The following LMBRD1 variants were observed in gnomAD, a reference collection of about 807,000 sequenced individuals.
LMBRD1 encodes LMBR1 domain containing 1, also known as lysosomal cobalamin transport escort protein LMBD1.
In LMBRD1, 64 loss-of-function variants were observed where a neutral mutation model predicts 74.8. The ratio of observed to expected loss-of-function variants is 0.86; its 90% CI spans 0.70 to 1.05. The LOEUF (loss-of-function observed/expected upper bound fraction) is 1.05. Among genes scored for constraint, LMBRD1 ranks in the 50% least tolerant of loss-of-function variants. The pLI is 0.00. For synonymous variants in LMBRD1, 204 were observed against 216.3 expected, an observed-to-expected ratio of 0.94 and a Z score of 0.50; for missense variants, 652 against 645.9, an observed-to-expected ratio of 1.01 and a Z score of -0.10.
At chr6:69,678,780 TGAGCTGAG>T (rs1220104267) in intron 14 of LMBRD1, among the ~76,000 whole-genome samples, 4 of 152,086 alleles carry the variant, frequency 2.6e-5, no homozygotes, top group African/African-American at 9.7e-5. Context: ...AACATAAAAT[TGAGCTGAG>T]GGCTACATAG....
intron 3 of LMBRD1, among the ~76,000 whole-genome samples, chr6:69,761,277 A>G (rs1765366910): frequency 6.6e-6 from 1 of 152,154 alleles, no homozygotes; most frequent in Admixed American, 6.5e-5. Context: ...CCCCTTCTCA[A>G]TGGTATTTAT....
chr6:69,689,208 T>C (rs1390334203), intron 14 of LMBRD1, among the ~76,000 whole-genome samples: 1 of 152,026 alleles, frequency 6.6e-6, no homozygotes, highest in Non-Finnish European at 1.5e-5. Flanking sequence ...TGGTCAGACA[T>C]GCATGTCCAT....
chr6:69,744,376 C>CA (rs955737692), intron 5 of LMBRD1, among the ~76,000 whole-genome samples: 10 of 151,974 alleles, frequency 6.6e-5, no homozygotes, highest in African/African-American at 1.5e-4. Flanking sequence ...GATTTTTCAC[C>CA]AAAAAAATTT....
chr6:69,718,818 C>G, intron 8 of LMBRD1, 138 bp downstream of exon 8: 2 of 830,792 alleles, frequency 2.4e-6, no homozygotes, highest in Non-Finnish European at 4.0e-6. Flanking sequence ...AGGACACAGT[C>G]AAACTGTACC....
intron 14 of LMBRD1, among the ~76,000 whole-genome samples, chr6:69,691,138 CCTCT>C (rs199949095): frequency 6.4e-5 from 2 of 31,372 alleles, no homozygotes; most frequent in African/African-American, 9.3e-5. Context: ...GCAGCAACGG[CCTCT>C]CTCTCTCTTT....
At chr6:69,755,284 C>T (rs146970480) in intron 3 of LMBRD1, among the ~76,000 whole-genome samples, 9 of 152,192 alleles carry the variant, frequency 5.9e-5, no homozygotes, top group East Asian at 1.9e-4. Context: ...TTTGCAGGGA[C>T]GTGGATGAAG....
At chr6:69,713,407 C>T (rs1766424323) in intron 9 of LMBRD1, among the ~76,000 whole-genome samples, 1 of 152,058 alleles carries the variant, frequency 6.6e-6, no homozygotes, top group Admixed American at 6.6e-5. Context: ...CAGCATATTG[C>T]AATACTTATC....
At chr6:69,684,448 C>T (rs1266158522) in intron 14 of LMBRD1, among the ~76,000 whole-genome samples, 2 of 151,926 alleles carry the variant, frequency 1.3e-5, no homozygotes, top group African/African-American at 4.8e-5. Flanking sequence ...CATTAGATTT[C>T]TTACCAGTTA....
intron 2 of LMBRD1, among the ~76,000 whole-genome samples, chr6:69,785,478 A>ACG (rs1276834074): frequency 1.3e-5 from 2 of 151,904 alleles, no homozygotes; most frequent in Non-Finnish European, 1.5e-5. Flanking sequence ...CCGAACTATA[A>ACG]CTCTTTTCTC....
chr6:69,732,154 G>A (rs534481983), intron 7 of LMBRD1, among the ~76,000 whole-genome samples: 2 of 152,256 alleles, frequency 1.3e-5, no homozygotes, highest in Middle Eastern at 3.4e-3. Context: ...AACCACTGCT[G>A]TGATTCATAA....
At chr6:69,735,946 G>GC (rs1766967871) in intron 7 of LMBRD1, among the ~76,000 whole-genome samples, 1 of 152,174 alleles carries the variant, frequency 6.6e-6, no homozygotes, top group African/African-American at 2.4e-5. Context: ...TCTGAATATA[G>GC]CATGTATGTG....
intron 3 of LMBRD1, among the ~76,000 whole-genome samples, chr6:69,774,038 GT>G (rs1765632711): frequency 1.3e-5 from 2 of 152,192 alleles, no homozygotes. Flanking sequence ...GGATGATATG[GT>G]TTGGCTCTGC....
chr6:69,691,730 G>C (rs1765883944), intron 14 of LMBRD1, among the ~76,000 whole-genome samples: 1 of 151,958 alleles, frequency 6.6e-6, no homozygotes, highest in African/African-American at 2.4e-5. Context: ...CAAAAAATTA[G>C]CTGGGCGTGG....
chr6:69,740,986 C>T (rs1156358432), intron 6 of LMBRD1, among the ~76,000 whole-genome samples: 1 of 151,752 alleles, frequency 6.6e-6, no homozygotes, highest in African/African-American at 2.4e-5. Context: ...AAAGCAATGC[C>T]AAAATATTTT....
intron 3 of LMBRD1, among the ~76,000 whole-genome samples, chr6:69,774,950 G>GAAGA: frequency 4.2e-5 from 1 of 23,984 alleles, no homozygotes; most frequent in Non-Finnish European, 9.8e-5. Flanking sequence ...CAGTGAGATG[G>GAAGA]AAGGAAGGAA....
rs1395912200 is a variant in LMBRD1 at position 69,675,601 on chromosome 6, AT to A, written c.*556del. ...GACTGATATTTGAACAATATAACAC[AT>A]CTTGGAACGCCATGCTCTTAGAGCA... is the stretch of plus-strand genomic sequence containing the variant. On this transcript the variant is annotated 3_prime_UTR_variant, in exon 16 of 16. Transcript: ENST00000649934. Among the ~76,000 whole-genome samples, 2 of 152,226 alleles carry A rather than the reference AT, an allele frequency of 1.3e-5. No individual in the cohort carries two copies. Among genetic ancestry groups the A allele is most frequent in the Admixed American group, 6.5e-5 (1 of 15,276 alleles).
At chr6:69,760,390 G>C (rs1299438423) in intron 3 of LMBRD1, among the ~76,000 whole-genome samples, 2 of 152,106 alleles carry the variant, frequency 1.3e-5, no homozygotes, top group Non-Finnish European at 2.9e-5. Context: ...AAAACTGAAA[G>C]GCAAAGCAAG....
chr6:69,763,007 T>C (rs1333832394), intron 3 of LMBRD1, among the ~76,000 whole-genome samples: 1 of 152,168 alleles, frequency 6.6e-6, no homozygotes, highest in African/African-American at 2.4e-5. Context: ...GCTGCTGTCC[T>C]AACACATATC....
intron 7 of LMBRD1, among the ~76,000 whole-genome samples, chr6:69,729,637 A>G (rs952529290): frequency 3.9e-5 from 6 of 152,080 alleles, no homozygotes; most frequent in Non-Finnish European, 5.9e-5. Flanking sequence ...TTATTAGAAG[A>G]GCTGAACTGA....
Sources: gnomAD v4.1 joint callset for allele counts (sites outside exome capture counted in the v4.1 genomes callset) on GRCh38, gnomAD v4.1.1 for gene constraint, MANE v1.5 for transcripts, NCBI Gene and HGNC (gene_info 2026-07-23, HGNC 2026-07-21) for gene names.